C12orf42: variants seen among roughly 807,000 people sequenced by gnomAD.
The protein encoded by C12orf42 is chromosome 12 open reading frame 42.
A neutral mutation model predicts 21.6 loss-of-function variants in C12orf42; 25 were observed. The observed-to-expected ratio is 1.16, with a 90% confidence interval of 0.84 to 1.62. The LOEUF (loss-of-function observed/expected upper bound fraction) is 1.62. Among genes scored for constraint, C12orf42 ranks in the 40% most tolerant of loss-of-function variants. C12orf42 has a pLI of 0.00. For synonymous variants in C12orf42, 174 were observed against 175.0 expected, an observed-to-expected ratio of 0.99 and a Z score of 0.05; for missense variants, 483 against 459.3, an observed-to-expected ratio of 1.05 and a Z score of -0.47.
intron 5 of C12orf42, 64 bp from the exon 6 acceptor site, chr12:103,302,623 C>A: frequency 7.3e-7 from 1 of 1,371,102 alleles, no homozygotes; most frequent in Non-Finnish European, 9.9e-7. Flanking sequence ...CACACCGCAC[C>A]CCCGCGACAA....
chr12:103,478,377 G>T lies in C12orf42; in HGVS notation c.50C>A (p.Thr17Asn). Residue 17 changes from threonine (T) to asparagine (N), a missense_variant, in exon 2 of 6, where the codon ACC becomes AAC. Thr to Asn is a moderately conservative substitution (Grantham distance 65, BLOSUM62 0). Coordinates refer to ENST00000548883, the MANE Select transcript of C12orf42 (RefSeq NM_198521.5). ...CATCCTGTTTGCAAAAGGTCTGATG[G>T]TTAGCAAGAATTCTTCTTCCCTTTG... is the stretch of plus-strand genomic sequence containing the variant. ...MKQREEEFLLTIRPFANRMQK... is the reference protein window; with the variant it reads ...MKQREEEFLLNIRPFANRMQK... 2 of 1,604,212 alleles carry T rather than the reference G, an allele frequency of 1.2e-6. No homozygotes were observed. The highest frequency in any genetic ancestry group is 8.5e-7 in the Non-Finnish European group (1 of 1,174,042).
chr12:103,140,843 GACAC>G, the C12orf42 span, among the ~76,000 whole-genome samples: 1 of 151,286 alleles, frequency 6.6e-6, no homozygotes, highest in Non-Finnish European at 1.5e-5. Flanking sequence ...CACACACACA[GACAC>G]ACACACACAC....
the C12orf42 span, among the ~76,000 whole-genome samples, chr12:103,532,634 T>C: frequency 6.7e-6 from 1 of 149,906 alleles, no homozygotes; most frequent in South Asian, 2.1e-4. Context: ...TATTTTACTT[T>C]GTTTAATTCT....
chr12:103,220,302 G>A, the C12orf42 span, among the ~76,000 whole-genome samples: 5 of 152,040 alleles, frequency 3.3e-5, no homozygotes, highest in Non-Finnish European at 5.9e-5. Flanking sequence ...TGCAGATGAC[G>A]GGTTGATGGG....
chr12:103,559,743 C>T, the C12orf42 span: 1 of 152,214 alleles, frequency 6.6e-6, no homozygotes, highest in African/African-American at 2.4e-5. Flanking sequence ...GTTGGCATCA[C>T]CACCACATAC....
intron 2 of C12orf42, among the ~76,000 whole-genome samples, chr12:103,469,758 G>T (rs1953442398): frequency 6.6e-6 from 1 of 152,172 alleles, no homozygotes; most frequent in Non-Finnish European, 1.5e-5. Flanking sequence ...AAATTGCTCT[G>T]CAGAAAAGCC....
chr12:103,306,594 A>G (rs2038356994), intron 4 of C12orf42, among the ~76,000 whole-genome samples: 1 of 152,166 alleles, frequency 6.6e-6, no homozygotes, highest in African/African-American at 2.4e-5. Flanking sequence ...GTGAGGCCCC[A>G]GACATGTTTG....
intron 3 of C12orf42, among the ~76,000 whole-genome samples, chr12:103,372,184 A>G (rs953565397): frequency 2.6e-4 from 40 of 151,932 alleles, no homozygotes; most frequent in African/African-American, 8.7e-4. Flanking sequence ...TCTGCCACCT[A>G]TTAGCATCTT....
chr12:103,232,168 T>A, the C12orf42 span, among the ~76,000 whole-genome samples: 1 of 152,374 alleles, frequency 6.6e-6, no homozygotes, highest in East Asian at 1.9e-4. Flanking sequence ...TTATATTTAA[T>A]GAGTTTTAAG....
chr12:103,208,166 C>T, the C12orf42 span, among the ~76,000 whole-genome samples: 1 of 152,172 alleles, frequency 6.6e-6, no homozygotes, highest in Non-Finnish European at 1.5e-5. Flanking sequence ...CGACTCCAAG[C>T]TCTGGGTAAT....
At chr12:103,493,302 C>T (rs544132667) in intron 1 of C12orf42, among the ~76,000 whole-genome samples, 16 of 152,192 alleles carry the variant, frequency 1.1e-4, no homozygotes, top group Non-Finnish European at 2.2e-4. Context: ...TCTCCCCACA[C>T]TCACAATGTT....
Position 103,426,724 on chromosome 12 carries a change from A to C in C12orf42, c.79-25049T>G, listed in dbSNP as rs970349799. On this transcript the variant is annotated intron_variant, in intron 2 of 5. Coordinates refer to ENST00000548883, the MANE Select transcript of C12orf42 (RefSeq NM_198521.5). ...GGGAAGCCAGAAAAGTCAAGTTACC[A>C]ACAAAGGGAAGTCCATCAGACTAAC... 3.9e-5 allele frequency among the ~76,000 whole-genome samples: 6 copies of C among 152,316 alleles called. No individual in the cohort carries two copies. The East Asian group carries it at 1.2e-3, about 29-fold the overall frequency.
chr12:103,251,846 A>G (rs1452470399), intron 10 of C12orf42, among the ~76,000 whole-genome samples: 1 of 152,230 alleles, frequency 6.6e-6, no homozygotes, highest in Non-Finnish European at 1.5e-5. Flanking sequence ...AGCATATAAG[A>G]CCTTCACCAT....
At chr12:103,286,650 G>A (rs1005294534) in intron 4 of C12orf42, among the ~76,000 whole-genome samples, 1 of 151,770 alleles carries the variant, frequency 6.6e-6, no homozygotes, top group Non-Finnish European at 1.5e-5. Flanking sequence ...TGTGTGTGGT[G>A]CTTTTTACAA....
chr12:103,455,849 A>G (rs920110995), intron 2 of C12orf42, among the ~76,000 whole-genome samples: 10 of 152,050 alleles, frequency 6.6e-5, no homozygotes, highest in African/African-American at 9.7e-5. Context: ...TTTTTGCTCT[A>G]CCAAGGATAA....
the C12orf42 span, among the ~76,000 whole-genome samples, chr12:103,193,000 A>G: frequency 6.6e-6 from 1 of 152,212 alleles, no homozygotes; most frequent in Non-Finnish European, 1.5e-5. Context: ...AACACAAAAC[A>G]AATCTTAACA....
chr12:103,451,087 G>A (rs776393833), intron 2 of C12orf42, among the ~76,000 whole-genome samples: 12 of 152,012 alleles, frequency 7.9e-5, no homozygotes, highest in Non-Finnish European at 1.5e-4. Flanking sequence ...GTAGGACACC[G>A]CAATGCTGAG....
At chr12:103,353,223 T>A (rs1282268998) in intron 4 of C12orf42, among the ~76,000 whole-genome samples, 1 of 151,096 alleles carries the variant, frequency 6.6e-6, no homozygotes, top group Non-Finnish European at 1.5e-5. Flanking sequence ...TTTGGACCAA[T>A]GGACTGATGG....
rs1555246098 is a variant in C12orf42 at position 103,294,624 on chromosome 12, G to GAAAGAAAGAAAGAA, written n.338-17428_338-17415dup. Among the ~76,000 whole-genome samples, 255 of 139,922 alleles carry GAAAGAAAGAAAGAA rather than the reference G, an allele frequency of 1.8e-3. 4 individuals are homozygous for GAAAGAAAGAAAGAA. Among genetic ancestry groups the GAAAGAAAGAAAGAA allele is most frequent in the African/African-American group, 6.8e-3 (231 of 33,998 alleles). The allele number at this position is 139,922 out of a possible 152,430, so 91.8% of individuals were successfully genotyped here. ...AGAAAGAAAGAAAGAAAGAAAGAAA[G>GAAAGAAAGAAAGAA]AAAGAAAGAAAGAAGGAAAAGAAAG... On this transcript the variant is annotated intron_variant and non_coding_transcript_variant, in intron 4 of 6. Transcript: ENST00000546526.
Sources: gnomAD v4.1 joint callset for allele counts (sites outside exome capture counted in the v4.1 genomes callset) on GRCh38, gnomAD v4.1.1 for gene constraint, MANE v1.5 for transcripts, NCBI Gene and HGNC (gene_info 2026-07-23, HGNC 2026-07-21) for gene names.